The following PBX1 variants were observed in gnomAD, a reference collection of about 807,000 sequenced individuals.
PBX1 encodes PBX homeobox 1, also known as pre-B-cell leukemia transcription factor 1.
In PBX1, 6 loss-of-function variants were observed where a neutral mutation model predicts 53.4. The ratio of observed to expected loss-of-function variants is 0.11; its 90% CI spans 0.06 to 0.22. The LOEUF (loss-of-function observed/expected upper bound fraction) is 0.22. Ranked by LOEUF, PBX1 falls within the 10% of genes least tolerant of loss-of-function variation. PBX1 has a pLI of 1.00. For synonymous variants in PBX1, 204 were observed against 212.3 expected, an observed-to-expected ratio of 0.96 and a Z score of 0.34; for missense variants, 251 against 551.4, an observed-to-expected ratio of 0.46 and a Z score of 5.46.
chr1:164,788,756 C>G (rs943103963), intron 2 of PBX1, among the ~76,000 whole-genome samples: 1 of 135,798 alleles, frequency 7.4e-6, no homozygotes, highest in African/African-American at 2.8e-5. Context: ...CCGCCCTCCC[C>G]CCCCCGCCCT....
At chr1:164,691,200 A>C (rs1402254990) in intron 2 of PBX1, among the ~76,000 whole-genome samples, 1 of 151,694 alleles carries the variant, frequency 6.6e-6, no homozygotes, top group African/African-American at 2.4e-5. Flanking sequence ...TTTTTTGTAG[A>C]GATGGGGTTT....
intron 2 of PBX1, among the ~76,000 whole-genome samples, chr1:164,670,715 A>G (rs1661065642): frequency 1.3e-5 from 2 of 151,988 alleles, no homozygotes; most frequent in African/African-American, 4.8e-5. Context: ...TACTGAGAAT[A>G]GCAGAGAGAG....
At chr1:164,666,482 GA>G (rs1261024338) in intron 2 of PBX1, among the ~76,000 whole-genome samples, 5 of 152,212 alleles carry the variant, frequency 3.3e-5, no homozygotes, top group Non-Finnish European at 7.3e-5. Flanking sequence ...GTCTGAGTAA[GA>G]AAAATGAAAT....
chr1:164,747,233 A>T (rs575595807), intron 2 of PBX1, among the ~76,000 whole-genome samples: 137 of 152,084 alleles, frequency 9.0e-4, no homozygotes, highest in Non-Finnish European at 1.7e-3. Flanking sequence ...GATCTTTTTT[A>T]AAAAAATAGG....
chr1:164,755,110 G>A (rs1360096864), intron 2 of PBX1, among the ~76,000 whole-genome samples: 3 of 152,190 alleles, frequency 2.0e-5, no homozygotes, highest in African/African-American at 7.2e-5. Flanking sequence ...CCCTAGAAAA[G>A]CAACAGAAGA....
intron 2 of PBX1, among the ~76,000 whole-genome samples, chr1:164,617,517 C>T (rs1248206903): frequency 3.3e-5 from 5 of 152,124 alleles, no homozygotes; most frequent in Non-Finnish European, 5.9e-5. Flanking sequence ...TGTGAGGAAG[C>T]GTTGTATTGC....
At chr1:164,843,189 A>G (rs542663580) in intron 8 of PBX1, among the ~76,000 whole-genome samples, 3 of 152,334 alleles carry the variant, frequency 2.0e-5, no homozygotes, top group Admixed American at 6.5e-5. Flanking sequence ...TGCAGTTTCT[A>G]TCTTATGATG....
At position 164,577,704 on chromosome 1, in the gene PBX1, G is replaced by C. The variant is rs547910443; in HGVS notation, c.265+14393G>C. Among the ~76,000 whole-genome samples the C allele has an allele frequency of 4.6e-5, 7 of 152,078 alleles. No homozygotes were observed. In the East Asian group the frequency reaches 1.3e-3, roughly 29 times the overall value. On this transcript the variant is annotated intron_variant, in intron 2 of 8. Coordinates refer to ENST00000420696, the MANE Select transcript of PBX1 (RefSeq NM_002585.4). The stretch of plus-strand genomic sequence containing the variant: ...ACGGTCCAGAAACTTTCTATTGAAT[G>C]AATGTGGGAGAGCTAGAAGTCAGGA...
chr1:164,705,354 A>G (rs1663369328), intron 2 of PBX1, among the ~76,000 whole-genome samples: 2 of 152,232 alleles, frequency 1.3e-5, no homozygotes, highest in African/African-American at 4.8e-5. Flanking sequence ...TTGTTACTAA[A>G]CAAGATGAAT....
At chr1:164,576,294 TA>T (rs574254276) in intron 2 of PBX1, among the ~76,000 whole-genome samples, 8 of 152,276 alleles carry the variant, frequency 5.3e-5, no homozygotes, top group Admixed American at 2.6e-4. Context: ...AGGAGAGGGC[TA>T]GGGGTGGCCG....
At chr1:164,716,079 T>G (rs1330485582) in intron 2 of PBX1, among the ~76,000 whole-genome samples, 3 of 152,210 alleles carry the variant, frequency 2.0e-5, no homozygotes, top group Non-Finnish European at 4.4e-5. Flanking sequence ...GACTGGCATA[T>G]TTGGGTCATT....
At chr1:164,702,214 A>G (rs139815303) in intron 2 of PBX1, among the ~76,000 whole-genome samples, 20 of 152,038 alleles carry the variant, frequency 1.3e-4, no homozygotes, top group African/African-American at 3.9e-4. Flanking sequence ...TTCTCCATAT[A>G]TAGATTAAAA....
chr1:164,777,605 CAAAGGAGGGCGGAATTAAG>C (rs1289873203), intron 2 of PBX1, among the ~76,000 whole-genome samples: 2 of 152,166 alleles, frequency 1.3e-5, no homozygotes, highest in Non-Finnish European at 2.9e-5. Context: ...TAGTAGCAAA[CAAAGGAGGGCGGAATTAAG>C]AAAATCTCTG....
chr1:164,780,884 C>T (rs546335172), intron 2 of PBX1, among the ~76,000 whole-genome samples: 89 of 152,202 alleles, frequency 5.8e-4, no homozygotes, highest in Non-Finnish European at 9.9e-4. Flanking sequence ...TTAGTATCAC[C>T]GTTAGTATCA....
chr1:164,655,001 G>A (rs138586288), intron 2 of PBX1, among the ~76,000 whole-genome samples: 6 of 152,104 alleles, frequency 3.9e-5, no homozygotes, highest in South Asian at 2.1e-4. Flanking sequence ...AGGATGGCAC[G>A]CTGGATTGGA....
intron 2 of PBX1, chr1:164,576,923 A>T (rs13375650): frequency 0.36 from 54,828 of 152,026 alleles, 11,054 homozygotes; most frequent in South Asian, 0.45. Context: ...TCAATATGCA[A>T]AGTGCCGGTG....
chr1:164,589,092 T>A (rs1002894880), intron 2 of PBX1, among the ~76,000 whole-genome samples: 1 of 151,930 alleles, frequency 6.6e-6, no homozygotes, highest in Non-Finnish European at 1.5e-5. Flanking sequence ...TCACCCTTTG[T>A]CCTCATCACT....
intron 2 of PBX1, among the ~76,000 whole-genome samples, chr1:164,867,468 A>G (rs1672244793): frequency 6.6e-6 from 1 of 152,188 alleles, no homozygotes; most frequent in South Asian, 2.1e-4. Flanking sequence ...GAAAGCCACC[A>G]TTTGTGATTT....
intron 2 of PBX1, among the ~76,000 whole-genome samples, chr1:164,678,439 A>G (rs1661563559): frequency 2.0e-5 from 3 of 152,184 alleles, no homozygotes; most frequent in South Asian, 4.1e-4. Flanking sequence ...ATGAAAGAGA[A>G]TAGTTTTGTG....
Sources: allele counts gnomAD v4.1 joint callset (sites outside exome capture counted in the v4.1 genomes callset), GRCh38; gene constraint gnomAD v4.1.1; transcripts MANE v1.5; gene names NCBI Gene and HGNC (gene_info 2026-07-23, HGNC 2026-07-21).